Variants in GRID1 observed in about 807,000 individuals in gnomAD.
The protein encoded by GRID1 is glutamate receptor ionotropic, delta-1.
A neutral mutation model predicts 98.0 loss-of-function variants in GRID1; 28 were observed. That is an observed-to-expected ratio of 0.29 (90% confidence interval 0.21 to 0.39). GRID1 has a LOEUF of 0.39. GRID1 is among the 10% of genes least tolerant of loss of function. The probability of loss-of-function intolerance (pLI) is 1.00; values close to 1 mark genes in which losing one functional copy is unlikely to be tolerated. For synonymous variants in GRID1, 553 were observed against 538.5 expected (o/e 1.03, Z -0.37); for missense variants, 1,111 against 1,340.5 (o/e 0.83, Z 2.67).
At chr10:86,217,060 C>T (rs1846186805) in intron 2 of GRID1, among the ~76,000 whole-genome samples, 1 of 152,132 alleles carries the variant, frequency 6.6e-6, no homozygotes, top group African/African-American at 2.4e-5. Context: ...GCCAGGGCCC[C>T]CTCAACTAAT....
chr10:85,700,701 T>C (rs1032839228), intron 12 of GRID1, among the ~76,000 whole-genome samples: 1 of 152,148 alleles, frequency 6.6e-6, no homozygotes, highest in Non-Finnish European at 1.5e-5. Flanking sequence ...TGAACAAAAA[T>C]GAGATATTCC....
chr10:86,089,560 C>T (rs1844113745), intron 4 of GRID1, among the ~76,000 whole-genome samples: 1 of 152,176 alleles, frequency 6.6e-6, no homozygotes, highest in African/African-American at 2.4e-5. Context: ...CCAGGAAGAA[C>T]TCAAACTGAA....
chr10:86,232,168 A>T (rs908305796), intron 2 of GRID1, among the ~76,000 whole-genome samples: 1 of 152,154 alleles, frequency 6.6e-6, no homozygotes, highest in Admixed American at 6.5e-5. Flanking sequence ...GCGCATCCCA[A>T]TCCCACGAGG....
At chr10:85,915,505 GCA>G (rs200774432) in intron 5 of GRID1, among the ~76,000 whole-genome samples, 2,144 of 150,698 alleles carry the variant, frequency 0.014, 39 homozygotes, top group African/African-American at 0.048. Context: ...ATTTATACAT[GCA>G]CACACACACA....
intron 8 of GRID1, among the ~76,000 whole-genome samples, chr10:85,824,045 A>T (rs1842796637): frequency 6.6e-6 from 1 of 152,244 alleles, no homozygotes; most frequent in African/African-American, 2.4e-5. Context: ...TAAGTGTGTG[A>T]ATAAGTATAA....
intron 12 of GRID1, among the ~76,000 whole-genome samples, chr10:85,670,553 C>A (rs1841073324): frequency 6.6e-6 from 1 of 152,202 alleles, no homozygotes; most frequent in Non-Finnish European, 1.5e-5. Flanking sequence ...AAGGCACAGT[C>A]TCTTTTGTCT....
intron 13 of GRID1, among the ~76,000 whole-genome samples, chr10:85,630,910 T>C (rs1157190089): frequency 6.6e-6 from 1 of 152,130 alleles, no homozygotes; most frequent in Non-Finnish European, 1.5e-5. Flanking sequence ...CACAGGTTTA[T>C]AAAGGGAGAT....
intron 3 of GRID1, among the ~76,000 whole-genome samples, chr10:86,205,990 C>T (rs1028835750): frequency 1.3e-5 from 2 of 151,998 alleles, no homozygotes; most frequent in African/African-American, 2.4e-5. Flanking sequence ...GCCAGGCAAT[C>T]GTCCAGTGTG....
intron 13 of GRID1, among the ~76,000 whole-genome samples, chr10:85,627,501 T>A (rs1271128884): frequency 6.6e-6 from 1 of 152,218 alleles, no homozygotes; most frequent in East Asian, 1.9e-4. Flanking sequence ...TTGTGAAGAA[T>A]CAAAAATAAG....
chr10:85,759,627 T>G (rs1054740143), intron 8 of GRID1, among the ~76,000 whole-genome samples: 1 of 152,240 alleles, frequency 6.6e-6, no homozygotes, highest in African/African-American at 2.4e-5. Context: ...TTTTTATATC[T>G]AATCCATAAT....
intron 4 of GRID1, among the ~76,000 whole-genome samples, chr10:86,038,838 C>T (rs928129407): frequency 3.3e-5 from 5 of 152,180 alleles, no homozygotes; most frequent in Non-Finnish European, 7.4e-5. Flanking sequence ...TTTCTGATTT[C>T]CTAGTTCTTG....
At chr10:86,180,686 T>C (rs1208368827) in intron 3 of GRID1, among the ~76,000 whole-genome samples, 1 of 152,136 alleles carries the variant, frequency 6.6e-6, no homozygotes, top group Non-Finnish European at 1.5e-5. Context: ...CCATGTGAGC[T>C]GCAGGCAGGA....
chr10:86,053,185 T>A (rs191880508), intron 4 of GRID1, among the ~76,000 whole-genome samples: 30 of 152,328 alleles, frequency 2.0e-4, no homozygotes, highest in African/African-American at 5.3e-4. Context: ...TTTTATTCTT[T>A]TTGCACATTA....
At chr10:86,268,712 C>T (rs976554572) in intron 2 of GRID1, among the ~76,000 whole-genome samples, 1 of 151,766 alleles carries the variant, frequency 6.6e-6, no homozygotes, top group Non-Finnish European at 1.5e-5. Flanking sequence ...GGTTTGGAGC[C>T]GGGCGCAGTG....
At chr10:85,806,783 G>A (rs1842626668) in intron 8 of GRID1, among the ~76,000 whole-genome samples, 1 of 152,052 alleles carries the variant, frequency 6.6e-6, no homozygotes, top group South Asian at 2.1e-4. Flanking sequence ...CAATGAAGGG[G>A]GCATTCAATT....
intron 3 of GRID1, among the ~76,000 whole-genome samples, chr10:86,153,295 G>C (rs1845196033): frequency 6.6e-6 from 1 of 152,222 alleles, no homozygotes; most frequent in Admixed American, 6.5e-5. Flanking sequence ...CACACACTCA[G>C]TGGGCTGGAG....
chr10:85,759,862 T>C (rs1268474740), intron 8 of GRID1, among the ~76,000 whole-genome samples: 1 of 152,236 alleles, frequency 6.6e-6, no homozygotes, highest in Admixed American at 6.5e-5. Context: ...TAATTAGTGA[T>C]GACATTTTAA....
At chr10:85,789,759 C>T (rs1842461579) in intron 8 of GRID1, among the ~76,000 whole-genome samples, 1 of 152,144 alleles carries the variant, frequency 6.6e-6, no homozygotes, top group Admixed American at 6.5e-5. Context: ...GCCTCACAGT[C>T]AGGGTAGCAG....
intron 5 of GRID1, among the ~76,000 whole-genome samples, chr10:85,879,539 G>T (rs560262895): frequency 7.2e-5 from 11 of 152,062 alleles, no homozygotes; most frequent in Non-Finnish European, 1.5e-4. Context: ...CATAATGAAA[G>T]GAAGGCAGAA....
Sources: gnomAD v4.1 joint callset for allele counts (sites outside exome capture counted in the v4.1 genomes callset) on GRCh38, gnomAD v4.1.1 for gene constraint, MANE v1.5 for transcripts, NCBI Gene and HGNC (gene_info 2026-07-23, HGNC 2026-07-21) for gene names.